The following CFAP20 variants were observed in gnomAD, a reference collection of about 807,000 sequenced individuals.
CFAP20 encodes the protein cilia and flagella associated protein 20, also known as cilia- and flagella-associated protein 20.
A neutral mutation model predicts 25.5 loss-of-function variants in CFAP20; 14 were observed. That is an observed-to-expected ratio of 0.55 (90% CI 0.36 to 0.86). CFAP20 has a LOEUF of 0.86. CFAP20 is among the 40% of genes least tolerant of loss of function. The pLI is 0.01. For synonymous variants in CFAP20, 75 were observed against 91.1 expected (o/e 0.82, Z 1.01); for missense variants, 181 against 248.0 (o/e 0.73, Z 1.81).
In CFAP20 at chr16:58,115,401, G is replaced by T. The variant is rs1295911912; in HGVS notation, c.333C>A (p.Thr111=). ...RRFRASNYQS[T]TRVKPFICTM... is the part of the protein sequence containing the mutation. Reference sequence around the variant, plus strand: ...TGCAGATGAAGGGTTTGACCCGGGTGGTGCTCTGGTAGTTACTTGCCCGAA... The same window carrying T: ...TGCAGATGAAGGGTTTGACCCGGGTTGTGCTCTGGTAGTTACTTGCCCGAA... The change falls in exon 4 of 6, where the codon ACC becomes ACA. Residue 111 remains threonine (T), a synonymous_variant. Coordinates refer to ENST00000262498, the MANE Select transcript of CFAP20 (RefSeq NM_013242.3). 3 of 1,614,220 alleles carry T rather than the reference G, an allele frequency of 1.9e-6. No homozygotes were observed. In the South Asian group the frequency reaches 3.3e-5, roughly 18 times the overall value.
intron 4 of CFAP20, 128 bp downstream of exon 4, chr16:58,115,141 A>G: frequency 7.4e-7 from 1 of 1,351,472 alleles, no homozygotes; most frequent in Non-Finnish European, 1.0e-6. Context: ...GTGAGGCCAA[A>G]GCTCCCTGGA....
chr16:58,128,182 T>C (rs1443568684), intron 1 of CFAP20, among the ~76,000 whole-genome samples: 2 of 152,054 alleles, frequency 1.3e-5, no homozygotes, highest in Non-Finnish European at 2.9e-5. Context: ...GCAGACCAAT[T>C]CATAGACAGC....
rs1960465583 is a variant in CFAP20, at chr16:58,116,951, C to T, written c.85G>A (p.Val29Ile). 3.1e-6 allele frequency: 5 copies of T among 1,613,714 alleles called. No individual in the cohort carries two copies. The highest frequency in any genetic ancestry group is 3.4e-6 in the Non-Finnish European group (4 of 1,179,796). The change falls in exon 2 of 6, where the codon GTA becomes ATA. Residue 29 changes from valine (V) to isoleucine (I), a missense_variant and splice_region_variant. Val to Ile is a conservative substitution (Grantham distance 29). Coordinates refer to ENST00000262498, the MANE Select transcript of CFAP20 (RefSeq NM_013242.3). ...ATTCTTTTGATGTGGCCATTCCGTA[C>T]CTACAAGAAAGAAAATTCGATTAGT... ...SKPLQIWDKK[V>I]RNGHIKRITD... is the part of the protein sequence containing the mutation.
At chr16:58,121,511 C>CAA (rs199855400) in intron 1 of CFAP20, among the ~76,000 whole-genome samples, 1 of 151,652 alleles carries the variant, frequency 6.6e-6, no homozygotes, top group Non-Finnish European at 1.5e-5. Context: ...CTTTATTCCT[C>CAA]AAAAAAAATA....
At chr16:58,116,672 A>T (rs565611994) in intron 2 of CFAP20, 200 bp downstream of exon 2, 7 of 543,746 alleles carry the variant, frequency 1.3e-5, no homozygotes, top group African/African-American at 1.1e-4. Context: ...CCTATAAGGA[A>T]AATGTACTAT....
intron 1 of CFAP20, 70 bp downstream of exon 1, chr16:58,128,962 C>T (rs1960665881): frequency 7.9e-6 from 12 of 1,514,358 alleles, no homozygotes; most frequent in South Asian, 1.2e-5. Context: ...AACCATTCCC[C>T]GTCCCCAGCC....
intron 1 of CFAP20, among the ~76,000 whole-genome samples, chr16:58,122,159 C>T (rs1339904122): frequency 1.3e-5 from 2 of 152,256 alleles, no homozygotes; most frequent in South Asian, 2.1e-4. Flanking sequence ...AAAGGCTTCA[C>T]TCCCTTCGCT....
chr16:58,123,513 G>A (rs1232121333), intron 1 of CFAP20, among the ~76,000 whole-genome samples: 4 of 141,438 alleles, frequency 2.8e-5, no homozygotes, highest in African/African-American at 5.1e-5. Context: ...GGAGAATGGC[G>A]TGAACCCAGG....
At chr16:58,128,915 G>A in intron 1 of CFAP20, 117 bp downstream of exon 1, 3 of 960,734 alleles carry the variant, frequency 3.1e-6, no homozygotes, top group Non-Finnish European at 4.2e-6. Flanking sequence ...AGGCACAGCA[G>A]CGTCCTCTCG....
chr16:58,129,006 C>T, intron 1 of CFAP20, 26 bp downstream of exon 1: 1 of 1,609,034 alleles, frequency 6.2e-7, no homozygotes, highest in Non-Finnish European at 8.5e-7. Flanking sequence ...CCCTCCACCC[C>T]GCCCCGTCGC....
chr16:58,116,969 C>T lies in CFAP20; in HGVS notation c.85-18G>A, dbSNP rs368336221. ...TTCCGTACCTACAAGAAAGAAAATTCGATTAGTACTGAAATATCTGACAAG... is the reference window on the plus strand; with the variant it reads ...TTCCGTACCTACAAGAAAGAAAATTTGATTAGTACTGAAATATCTGACAAG... On this transcript the variant is annotated intron_variant, in intron 1 of 5. Transcript: ENST00000262498. 19 of 1,607,348 alleles carry T rather than the reference C, an allele frequency of 1.2e-5. No homozygotes were observed. Among genetic ancestry groups the T allele is most frequent in the Middle Eastern group, 1.7e-4 (1 of 6,050 alleles).
chr16:58,125,242 AC>A (rs1960596950), intron 1 of CFAP20, among the ~76,000 whole-genome samples: 1 of 152,250 alleles, frequency 6.6e-6, no homozygotes, highest in African/African-American at 2.4e-5. Context: ...ATGCTGTCCC[AC>A]TGGAAGGTCT....
intron 3 of CFAP20, chr16:58,115,779 T>C (rs1409388402): frequency 1.9e-6 from 1 of 515,590 alleles, no homozygotes; most frequent in Non-Finnish European, 3.5e-6. Context: ...TATTAAATAA[T>C]CACTCCCCAA....
intron 1 of CFAP20, among the ~76,000 whole-genome samples, chr16:58,126,372 G>A (rs764463775): frequency 1.7e-4 from 26 of 152,184 alleles, no homozygotes; most frequent in African/African-American, 5.8e-4. Flanking sequence ...AAACACTAAC[G>A]AACAAGCCAT....
chr16:58,129,017 C>G lies in CFAP20; in HGVS notation c.84+15G>C. On this transcript the variant is annotated intron_variant, in intron 1 of 5. Coordinates refer to ENST00000262498, the MANE Select transcript of CFAP20 (RefSeq NM_013242.3). The stretch of plus-strand genomic sequence containing the variant: ...CAGCCCCTCCACCCCGCCCCGTCGC[C>G]GCCCCTAGCCCGACCTTTTTGTCCC... The G allele has an allele frequency of 2.5e-6, 4 of 1,612,384 alleles. No individual in the cohort carries two copies. The South Asian group carries it at 3.3e-5, about 13-fold the overall frequency.
At chr16:58,122,433 T>A (rs1960546425) in intron 1 of CFAP20, among the ~76,000 whole-genome samples, 1 of 151,956 alleles carries the variant, frequency 6.6e-6, no homozygotes, top group African/African-American at 2.4e-5. Flanking sequence ...TACAAAAAAA[T>A]TAGCTGGGTG....
rs3743575 is a variant in CFAP20, at chr16:58,129,285, C to G, written c.-170G>C. On this transcript the variant is annotated 5_prime_UTR_variant, in exon 1 of 6. Coordinates refer to ENST00000262498, the MANE Select transcript of CFAP20 (RefSeq NM_013242.3). ...CACTGATGGCCGGACTCGGACGCGG[C>G]AACGCTAAGTCCGCGATCTTCAGCT... is the stretch of plus-strand genomic sequence containing the variant. 23,676 of 652,384 alleles carry G rather than the reference C, an allele frequency of 0.036. 625 individuals are homozygous for G. Among genetic ancestry groups the G allele is most frequent in the East Asian group, 0.11 (3,764 of 35,680 alleles). 40.4% of individuals were successfully genotyped at this position (652,384 alleles called of 1,614,324 possible).
intron 4 of CFAP20, 42 bp from the exon 5 acceptor site, chr16:58,114,962 T>C: frequency 6.6e-7 from 1 of 1,516,356 alleles, no homozygotes; most frequent in Non-Finnish European, 9.1e-7. Context: ...AATGTGACTG[T>C]TCTCCCCCTT....
In CFAP20 at chr16:58,117,031, C is replaced by A. The variant is rs1023369671; in HGVS notation, c.85-80G>T. The A allele has an allele frequency of 2.3e-6, 3 of 1,305,606 alleles. No individual in the cohort carries two copies. The Admixed American group carries it at 5.6e-5, about 24-fold the overall frequency. 80.9% of individuals were successfully genotyped at this position (1,305,606 alleles called of 1,614,324 possible). A position where few individuals can be genotyped will look rare whatever the true frequency, so the allele number is the denominator to read the frequency against. ...CTATTTAAAGAAAACCACGGTAGCCCAAGAGGCGTACAAAGAAATTTGTGA... is the reference window on the plus strand; with the variant it reads ...CTATTTAAAGAAAACCACGGTAGCCAAAGAGGCGTACAAAGAAATTTGTGA... On this transcript the variant is annotated intron_variant, in intron 1 of 5. Coordinates refer to ENST00000262498, the MANE Select transcript of CFAP20 (RefSeq NM_013242.3).
Sources: allele counts gnomAD v4.1 joint callset (sites outside exome capture counted in the v4.1 genomes callset), GRCh38; gene constraint gnomAD v4.1.1; transcripts MANE v1.5; gene names NCBI Gene and HGNC (gene_info 2026-07-23, HGNC 2026-07-21).